The following DESI2 variants were observed in gnomAD, a reference collection of about 807,000 sequenced individuals.
The protein encoded by DESI2 is deubiquitinase DESI2.
A neutral mutation model predicts 24.1 loss-of-function variants in DESI2; 10 were observed. The observed-to-expected ratio is 0.41, with a 90% CI of 0.26 to 0.70. DESI2 has a LOEUF of 0.70. Ranked by LOEUF, DESI2 falls within the 30% of genes least tolerant of loss-of-function variation. The pLI, the probability that DESI2 is intolerant of heterozygous loss-of-function variation, is 0.29. For synonymous variants in DESI2, 71 were observed against 87.7 expected (o/e 0.81, Z 1.06); for missense variants, 122 against 234.9 (o/e 0.52, Z 3.14).
At chr1:244,661,890 AG>A (rs1675859217) in intron 1 of DESI2, among the ~76,000 whole-genome samples, 1 of 152,210 alleles carries the variant, frequency 6.6e-6, no homozygotes, top group African/African-American at 2.4e-5. Flanking sequence ...GTGTCTTTAT[AG>A]CAGCATGATT....
At chr1:244,662,704 AG>A (rs746724707) in intron 1 of DESI2, among the ~76,000 whole-genome samples, 26 of 152,334 alleles carry the variant, frequency 1.7e-4, no homozygotes, top group Non-Finnish European at 3.1e-4. Context: ...AGGATGGTAT[AG>A]TTACCGGTTA....
intron 1 of DESI2, among the ~76,000 whole-genome samples, chr1:244,665,712 C>G (rs967215496): frequency 6.6e-6 from 1 of 152,174 alleles, no homozygotes; most frequent in Non-Finnish European, 1.5e-5. Context: ...AAAAGAAAAA[C>G]TAAGTTCCCC....
chr1:244,663,880 T>C (rs1026163389), intron 1 of DESI2, among the ~76,000 whole-genome samples: 1 of 151,938 alleles, frequency 6.6e-6, no homozygotes, highest in Non-Finnish European at 1.5e-5. Context: ...TAGCCAGGCG[T>C]GGTGGCGGGC....
At chr1:244,704,524 G>A (rs1241842011) in intron 4 of DESI2, among the ~76,000 whole-genome samples, 1 of 127,410 alleles carries the variant, frequency 7.8e-6, no homozygotes, top group Admixed American at 7.9e-5. Flanking sequence ...TCATCAGCGG[G>A]CAGGGATTCC....
At chr1:244,667,463 G>A (rs927561953) in intron 1 of DESI2, among the ~76,000 whole-genome samples, 2 of 152,044 alleles carry the variant, frequency 1.3e-5, no homozygotes, top group Non-Finnish European at 2.9e-5. Context: ...GAAAGAGGTG[G>A]GTTAAAATGA....
chr1:244,694,749 T>TA, intron 4 of DESI2: 1 of 612,452 alleles, frequency 1.6e-6, no homozygotes, highest in Non-Finnish European at 2.9e-6. Context: ...ACCAGAGAGA[T>TA]TCATTAAGTT....
At chr1:244,663,307 G>A (rs1310253510) in intron 1 of DESI2, among the ~76,000 whole-genome samples, 2 of 151,866 alleles carry the variant, frequency 1.3e-5, no homozygotes, top group Admixed American at 6.6e-5. Context: ...CTTCTGAGTA[G>A]CTGGGACTAC....
At chr1:244,667,907 T>C (rs756439863) in intron 1 of DESI2, among the ~76,000 whole-genome samples, 30 of 152,240 alleles carry the variant, frequency 2.0e-4, no homozygotes, top group Non-Finnish European at 3.7e-4. Context: ...TCACTCATTG[T>C]GTGATCTTGG....
At chr1:244,676,798 ATATAT>A (rs1266074011) in intron 1 of DESI2, among the ~76,000 whole-genome samples, 1 of 147,654 alleles carries the variant, frequency 6.8e-6, no homozygotes, top group Admixed American at 6.8e-5. Flanking sequence ...TGTATAAAAT[ATATAT>A]TATATATATT....
intron 1 of DESI2, among the ~76,000 whole-genome samples, chr1:244,663,289 G>C (rs964165964): frequency 2.0e-5 from 3 of 151,664 alleles, no homozygotes; most frequent in African/African-American, 7.3e-5. Context: ...CCATTCTTCT[G>C]CCTCAGTCTT....
chr1:244,657,771 C>T (rs1573173782), intron 1 of DESI2, among the ~76,000 whole-genome samples: 1 of 152,362 alleles, frequency 6.6e-6, no homozygotes, highest in East Asian at 1.9e-4. Context: ...AAATAGTATC[C>T]TCAGTCAGCA....
chr1:244,685,185 T>A (rs1676777084), intron 1 of DESI2, among the ~76,000 whole-genome samples: 1 of 152,188 alleles, frequency 6.6e-6, no homozygotes, highest in African/African-American at 2.4e-5. Context: ...TATCTGTTGA[T>A]ATTTTCCTCT....
At chr1:244,694,486 C>T (rs1034458701) in intron 4 of DESI2, 4 of 787,322 alleles carry the variant, frequency 5.1e-6, no homozygotes, top group African/African-American at 3.4e-5. Flanking sequence ...GGTGTTCCTT[C>T]ACGGAATCTG....
At chr1:244,665,586 A>C (rs1676012401) in intron 1 of DESI2, among the ~76,000 whole-genome samples, 1 of 152,210 alleles carries the variant, frequency 6.6e-6, no homozygotes, top group Non-Finnish European at 1.5e-5. Context: ...TTAGTCAGAC[A>C]CCAGTCTAGA....
chr1:244,703,576 C>T (rs1283311413), intron 4 of DESI2, among the ~76,000 whole-genome samples: 3 of 151,982 alleles, frequency 2.0e-5, no homozygotes, highest in Non-Finnish European at 4.4e-5. Context: ...GTCTTGAACT[C>T]CTGGTCTCAA....
At chr1:244,699,376 G>A (rs1210541510) in intron 4 of DESI2, among the ~76,000 whole-genome samples, 1 of 151,966 alleles carries the variant, frequency 6.6e-6, no homozygotes, top group Non-Finnish European at 1.5e-5. Context: ...GAGGTCAAGA[G>A]ATCGAGACCA....
At chr1:244,667,228 A>G (rs1676078050) in intron 1 of DESI2, among the ~76,000 whole-genome samples, 1 of 152,206 alleles carries the variant, frequency 6.6e-6, no homozygotes, top group African/African-American at 2.4e-5. Flanking sequence ...GAGACAAGGC[A>G]AGTCCCTTCC....
chr1:244,688,489 TTAAGC>T (rs1469781023), intron 2 of DESI2, among the ~76,000 whole-genome samples: 7 of 152,198 alleles, frequency 4.6e-5, no homozygotes, highest in African/African-American at 9.6e-5. Context: ...TGAAGTTGAT[TTAAGC>T]ATGGTTTGGA....
intron 2 of DESI2, 72 bp downstream of exon 2, chr1:244,686,741 A>G: frequency 1.1e-6 from 1 of 920,110 alleles, no homozygotes; most frequent in Non-Finnish European, 1.7e-6. Flanking sequence ...AATCATAACT[A>G]TAGGTCTCTC....
Sources: gnomAD v4.1 joint callset for allele counts (sites outside exome capture counted in the v4.1 genomes callset) on GRCh38, gnomAD v4.1.1 for gene constraint, MANE v1.5 for transcripts, NCBI Gene and HGNC (gene_info 2026-07-23, HGNC 2026-07-21) for gene names.